The following SAP130 variants were observed in gnomAD, a reference collection of about 807,000 sequenced individuals.
SAP130 encodes the protein histone deacetylase complex subunit SAP130.
SAP130 carries 16 observed loss-of-function variants against 103.2 expected under a neutral mutation model. The observed-to-expected ratio is 0.16, with a 90% CI of 0.10 to 0.24. SAP130 has a LOEUF of 0.24. SAP130 is among the 10% of genes least tolerant of loss of function. The pLI is 1.00. For synonymous variants in SAP130, 477 were observed against 497.0 expected, an observed-to-expected ratio of 0.96 and a Z score of 0.53; for missense variants, 990 against 1,359.7, an observed-to-expected ratio of 0.73 and a Z score of 4.28.
At chr2:127,977,335 C>A (rs925651700) in intron 15 of SAP130, among the ~76,000 whole-genome samples, 936 of 111,466 alleles carry the variant, frequency 8.4e-3, no homozygotes, top group Non-Finnish European at 9.2e-3. Flanking sequence ...ACTTAAAATA[C>A]AAAAAAAAAA....
At chr2:128,023,972 G>GA (rs1685327964) in intron 2 of SAP130, among the ~76,000 whole-genome samples, 2 of 150,018 alleles carry the variant, frequency 1.3e-5, no homozygotes, top group South Asian at 2.1e-4. Flanking sequence ...GTTGAAACTT[G>GA]AAAAAAGAAG....
intron 15 of SAP130, among the ~76,000 whole-genome samples, chr2:127,962,374 C>T (rs2104809481): frequency 6.6e-6 from 1 of 152,310 alleles, no homozygotes; most frequent in East Asian, 1.9e-4. Flanking sequence ...CATCCCATTA[C>T]TGGGTATATA....
Position 127,941,729 on chromosome 2 carries a change from T to A in SAP130, c.*277A>T. The A allele has an allele frequency of 2.4e-6, 1 of 422,960 alleles. No homozygotes were observed. The highest frequency in any genetic ancestry group is 5.2e-5 in the East Asian group (1 of 19,324). 26.2% of individuals were successfully genotyped at this position (422,960 alleles called of 1,614,324 possible). On this transcript the variant is annotated 3_prime_UTR_variant, in exon 21 of 21. Coordinates refer to ENST00000643581, the MANE Select transcript of SAP130 (RefSeq NM_001330301.2). ...AAACACCAGCCAGCCATCCTTGTCA[T>A]TGCTTCCAACTGGTGGACACTGATG...
At chr2:128,015,053 G>A in intron 4 of SAP130, 139 bp from the exon 5 acceptor site, 1 of 641,098 alleles carries the variant, frequency 1.6e-6, no homozygotes, top group African/African-American at 1.8e-5. Context: ...AGGACATTCA[G>A]CTTGAGCTAC....
At chr2:127,976,980 G>C (rs1573715503) in intron 15 of SAP130, among the ~76,000 whole-genome samples, 1 of 152,014 alleles carries the variant, frequency 6.6e-6, no homozygotes, top group Non-Finnish European at 1.5e-5. Context: ...ATACTTATCA[G>C]AACTATTATC....
intron 2 of SAP130, among the ~76,000 whole-genome samples, chr2:128,019,695 G>C (rs1311196387): frequency 6.6e-6 from 1 of 152,172 alleles, no homozygotes; most frequent in Non-Finnish European, 1.5e-5. Flanking sequence ...AGATCAGCCT[G>C]TCCAACATGG....
At chr2:127,946,993 T>TAG (rs60193525) in intron 18 of SAP130, among the ~76,000 whole-genome samples, 3,280 of 127,842 alleles carry the variant, frequency 0.026, 88 homozygotes, top group East Asian at 0.15. Context: ...GACAGAGAAG[T>TAG]AGAGAGAGAG....
chr2:127,998,390 A>G (rs1411390755), intron 10 of SAP130, among the ~76,000 whole-genome samples: 1 of 152,194 alleles, frequency 6.6e-6, no homozygotes, highest in Admixed American at 6.5e-5. Context: ...CATATTCCTA[A>G]TAAGAATAGC....
chr2:128,027,351 T>A (rs1397637569), intron 1 of SAP130: 2 of 1,125,772 alleles, frequency 1.8e-6, no homozygotes, highest in Admixed American at 4.9e-5. Context: ...GCCCGACGCG[T>A]CAGTGGAGGC....
intron 18 of SAP130, among the ~76,000 whole-genome samples, chr2:127,946,356 C>A (rs1173898985): frequency 6.6e-6 from 1 of 152,174 alleles, no homozygotes; most frequent in Non-Finnish European, 1.5e-5. Flanking sequence ...AAGCATAAGA[C>A]AGCTGGGGGA....
chr2:127,962,915 G>C (rs1276321504), intron 15 of SAP130, among the ~76,000 whole-genome samples: 1 of 150,698 alleles, frequency 6.6e-6, no homozygotes, highest in Non-Finnish European at 1.5e-5. Flanking sequence ...TGACTGGCTT[G>C]ATGTCATAGA....
chr2:127,961,540 A>G (rs569188637), intron 15 of SAP130, among the ~76,000 whole-genome samples: 2 of 145,398 alleles, frequency 1.4e-5, no homozygotes, highest in Non-Finnish European at 3.0e-5. Context: ...TTTTGACTCA[A>G]TTGGGTTGCT....
chr2:127,977,883 A>G, intron 15 of SAP130, 102 bp downstream of exon 15: 1 of 903,286 alleles, frequency 1.1e-6, no homozygotes, highest in Non-Finnish European at 1.8e-6. Context: ...AGCCTGGGCT[A>G]TATAACCTAA....
intron 15 of SAP130, among the ~76,000 whole-genome samples, chr2:127,959,255 G>A (rs1680065618): frequency 6.6e-6 from 1 of 152,086 alleles, no homozygotes; most frequent in African/African-American, 2.4e-5. Context: ...ACATGGAAAT[G>A]CAAAAGAGCA....
intron 15 of SAP130, among the ~76,000 whole-genome samples, chr2:127,976,670 G>C (rs1008829903): frequency 6.6e-6 from 1 of 152,252 alleles, no homozygotes; most frequent in Non-Finnish European, 1.5e-5. Flanking sequence ...CCAACACTTT[G>C]GGAGGCCAAG....
chr2:127,994,994 A>G (rs938669057), intron 11 of SAP130, among the ~76,000 whole-genome samples: 3 of 152,158 alleles, frequency 2.0e-5, no homozygotes, highest in Non-Finnish European at 4.4e-5. Flanking sequence ...CTAGACACAA[A>G]TGATCAAATT....
At chr2:127,971,354 C>T (rs1276262115) in intron 15 of SAP130, among the ~76,000 whole-genome samples, 8 of 149,732 alleles carry the variant, frequency 5.3e-5, no homozygotes, top group Admixed American at 4.0e-4. Context: ...GGTGCAATCT[C>T]GGCTCACTGC....
chr2:127,994,802 C>T (rs1378079673), intron 11 of SAP130, among the ~76,000 whole-genome samples: 1 of 152,118 alleles, frequency 6.6e-6, no homozygotes, highest in African/African-American at 2.4e-5. Flanking sequence ...GACCCTCTTG[C>T]TTTCCCCTCA....
chr2:127,952,485 T>A (rs1679561287), intron 16 of SAP130, among the ~76,000 whole-genome samples: 1 of 151,802 alleles, frequency 6.6e-6, no homozygotes, highest in African/African-American at 2.4e-5. Flanking sequence ...CTTGACATCA[T>A]GTCACTTCAA....
Sources: gnomAD v4.1 joint callset for allele counts (sites outside exome capture counted in the v4.1 genomes callset) on GRCh38, gnomAD v4.1.1 for gene constraint, MANE v1.5 for transcripts, NCBI Gene and HGNC (gene_info 2026-07-23, HGNC 2026-07-21) for gene names.